PAK1: variants seen among roughly 807,000 people sequenced by gnomAD.
The protein encoded by PAK1 is p21 (RAC1) activated kinase 1.
Under a neutral mutation model 67.4 loss-of-function variants are expected in PAK1, and 29 were observed. The observed-to-expected ratio is 0.43, with a 90% CI of 0.32 to 0.59. The LOEUF (loss-of-function observed/expected upper bound fraction) is 0.59. Ranked by LOEUF, PAK1 falls within the 20% of genes least tolerant of loss-of-function variation. PAK1 has a pLI of 0.07. For missense variants in PAK1, 337 were observed against 670.7 expected, an observed-to-expected ratio of 0.50 and a Z score of 5.50; for synonymous variants, 223 against 237.4, an observed-to-expected ratio of 0.94 and a Z score of 0.56.
At chr11:77,529,249 C>T in the PAK1 span, among the ~76,000 whole-genome samples, 1 of 152,196 alleles carries the variant, frequency 6.6e-6, no homozygotes, top group East Asian at 1.9e-4. Context: ...TCTGCCACCT[C>T]ATAAGGCCCA....
chr11:77,502,422 G>T, the PAK1 span, among the ~76,000 whole-genome samples: 1 of 152,140 alleles, frequency 6.6e-6, no homozygotes, highest in Non-Finnish European at 1.5e-5. Flanking sequence ...TTATTTCCAA[G>T]TTTTATGAAT....
chr11:77,401,840 T>C (rs1160812257), intron 1 of PAK1, among the ~76,000 whole-genome samples: 1 of 152,178 alleles, frequency 6.6e-6, no homozygotes, highest in Non-Finnish European at 1.5e-5. Flanking sequence ...CAAACTTCAT[T>C]ATATCAACCA....
intron 4 of PAK1, among the ~76,000 whole-genome samples, chr11:77,375,682 GA>G (rs1407124258): frequency 6.6e-6 from 1 of 152,174 alleles, no homozygotes; most frequent in Non-Finnish European, 1.5e-5. Context: ...AAATTTGAAA[GA>G]GAGACCCAAT....
chr11:77,453,910 T>C (rs1389241234), intron 1 of PAK1, among the ~76,000 whole-genome samples: 1 of 151,874 alleles, frequency 6.6e-6, no homozygotes, highest in South Asian at 2.1e-4. Context: ...CGAAACCCCA[T>C]CTCTACAAAA....
intron 1 of PAK1, among the ~76,000 whole-genome samples, chr11:77,453,708 T>C (rs1252170625): frequency 2.0e-5 from 3 of 152,172 alleles, no homozygotes; most frequent in Non-Finnish European, 4.4e-5. Flanking sequence ...AAATAATTCA[T>C]ATAATGCCCC....
intron 1 of PAK1, among the ~76,000 whole-genome samples, chr11:77,420,727 T>C (rs548106039): frequency 1.3e-5 from 2 of 152,064 alleles, no homozygotes; most frequent in Non-Finnish European, 2.9e-5. Context: ...AATAGTGGGG[T>C]GAAGAGGAGT....
chr11:77,470,946 A>G, intron 1 of PAK1, among the ~76,000 whole-genome samples: 1 of 152,178 alleles, frequency 6.6e-6, no homozygotes, highest in East Asian at 1.9e-4. Context: ...AATCCCCCAA[A>G]AATGTTAGGA....
At chr11:77,512,651 T>C in the PAK1 span, among the ~76,000 whole-genome samples, 146,736 of 152,272 alleles carry the variant, frequency 0.96, 70,747 homozygotes, top group Middle Eastern at 1. Context: ...TAGACGAGGT[T>C]TCCTACTATG....
intron 1 of PAK1, among the ~76,000 whole-genome samples, chr11:77,404,431 C>A (rs1298204142): frequency 6.6e-6 from 1 of 152,070 alleles, no homozygotes; most frequent in African/African-American, 2.4e-5. Context: ...CCACACCAGG[C>A]TAATTTTTTA....
At chr11:77,472,725 G>T (rs895725599) in intron 1 of PAK1, among the ~76,000 whole-genome samples, 3 of 152,198 alleles carry the variant, frequency 2.0e-5, no homozygotes, top group African/African-American at 7.2e-5. Flanking sequence ...AATTCTTAAA[G>T]TCAAGACTAA....
intron 2 of PAK1, among the ~76,000 whole-genome samples, chr11:77,381,178 G>GTGTGTGT (rs869219760): frequency 0.012 from 1,294 of 107,522 alleles, 16 homozygotes; most frequent in African/African-American, 0.032. Context: ...TGTGTGTGTA[G>GTGTGTGT]AGAGAGAGAG....
the PAK1 span, among the ~76,000 whole-genome samples, chr11:77,500,296 G>A: frequency 4.6e-5 from 7 of 152,002 alleles, no homozygotes; most frequent in South Asian, 2.1e-4. Context: ...GTGAAATCCC[G>A]TCTCTACTAA....
the PAK1 span, among the ~76,000 whole-genome samples, chr11:77,497,458 A>G: frequency 6.6e-6 from 1 of 152,190 alleles, no homozygotes; most frequent in African/African-American, 2.4e-5. Context: ...TGACTCACTT[A>G]GAAGGAAAGT....
intron 1 of PAK1, among the ~76,000 whole-genome samples, chr11:77,442,015 T>G (rs867016709): frequency 3.3e-5 from 5 of 152,304 alleles, no homozygotes; most frequent in Middle Eastern, 3.4e-3. Context: ...CCCAGAAGGC[T>G]TCTGAAGGAA....
intron 1 of PAK1, among the ~76,000 whole-genome samples, chr11:77,456,741 G>GT (rs1957096300): frequency 2.6e-5 from 4 of 151,254 alleles, no homozygotes; most frequent in South Asian, 2.1e-4. Flanking sequence ...TTATTATTTG[G>GT]TTTTTTGTTT....
chr11:77,483,096 C>A, the PAK1 span, among the ~76,000 whole-genome samples: 4 of 151,622 alleles, frequency 2.6e-5, no homozygotes, highest in Admixed American at 2.0e-4. Flanking sequence ...ACTCAGGAGG[C>A]TGAGGCAGGA....
At chr11:77,385,067 A>C (rs1482402621) in intron 2 of PAK1, among the ~76,000 whole-genome samples, 1 of 152,218 alleles carries the variant, frequency 6.6e-6, no homozygotes, top group East Asian at 1.9e-4. Flanking sequence ...GAATTTACTT[A>C]ATCTAATAAA....
intron 14 of PAK1, among the ~76,000 whole-genome samples, chr11:77,326,894 AAGAT>A (rs1940056424): frequency 6.6e-6 from 1 of 152,142 alleles, no homozygotes; most frequent in Non-Finnish European, 1.5e-5. Flanking sequence ...GAAAAAAAAT[AAGAT>A]GAATGGATAA....
chr11:77,431,855 C>T (rs1357824105), intron 1 of PAK1, among the ~76,000 whole-genome samples: 3 of 152,158 alleles, frequency 2.0e-5, no homozygotes, highest in South Asian at 2.1e-4. Flanking sequence ...CCTGAAGTCA[C>T]AAAAAGTAAC....
Sources: gnomAD v4.1 joint callset for allele counts (sites outside exome capture counted in the v4.1 genomes callset) on GRCh38, gnomAD v4.1.1 for gene constraint, MANE v1.5 for transcripts, NCBI Gene and HGNC (gene_info 2026-07-23, HGNC 2026-07-21) for gene names.